GNAQ: variants seen among roughly 807,000 people sequenced by gnomAD.
GNAQ encodes G protein subunit alpha q, also known as guanine nucleotide-binding protein G(q) subunit alpha.
In GNAQ, 8 loss-of-function variants were observed where a neutral mutation model predicts 43.9. The observed-to-expected ratio is 0.18, with a 90% CI of 0.11 to 0.33. The LOEUF (loss-of-function observed/expected upper bound fraction) is 0.33, where lower values mean the gene tolerates loss of function less well. GNAQ is among the 10% of genes least tolerant of loss of function. The probability of loss-of-function intolerance (pLI) is 1.00; values close to 1 mark genes in which losing one functional copy is unlikely to be tolerated. For synonymous variants in GNAQ, 155 were observed against 170.7 expected (o/e 0.91, Z 0.71); for missense variants, 158 against 450.8 (o/e 0.35, Z 5.88).
intron 2 of GNAQ, among the ~76,000 whole-genome samples, chr9:77,829,252 G>A (rs545677432): frequency 2.6e-5 from 4 of 152,090 alleles, no homozygotes; most frequent in Non-Finnish European, 4.4e-5. Context: ...TGAAAGCTAC[G>A]AATGCTTACA....
chr9:77,746,339 T>G (rs1251927522), intron 5 of GNAQ, among the ~76,000 whole-genome samples: 1 of 152,140 alleles, frequency 6.6e-6, no homozygotes, highest in East Asian at 1.9e-4. Context: ...AATGAACTCC[T>G]GGGGCAGCAG....
intron 1 of GNAQ, among the ~76,000 whole-genome samples, chr9:77,923,378 C>T (rs965633623): frequency 6.6e-6 from 1 of 152,072 alleles, no homozygotes; most frequent in African/African-American, 2.4e-5. Flanking sequence ...TCCTTTTTCA[C>T]ATCTTCAATA....
intron 5 of GNAQ, among the ~76,000 whole-genome samples, chr9:77,784,912 G>A (rs896053637): frequency 6.6e-6 from 1 of 152,172 alleles, no homozygotes; most frequent in Admixed American, 6.5e-5. Flanking sequence ...ACACCCACCT[G>A]AATGTCTGAA....
At position 77,863,047 on chromosome 9, in the gene GNAQ, G is replaced by A. The variant is rs539324223; in HGVS notation, c.322-47277C>T. ...AAATTAGCCGGGTGTGGTGGCACAT[G>A]CCTGTAATCCCAGCTACTTGGGAGG... On this transcript the variant is annotated intron_variant, in intron 2 of 6. Transcript: ENST00000286548. Among the ~76,000 whole-genome samples the A allele has an allele frequency of 1.7e-4, 26 of 152,268 alleles. No individual in the cohort carries two copies. The South Asian group carries it at 4.8e-3, about 28-fold the overall frequency.
chr9:77,790,560 T>C (rs1395747621), intron 5 of GNAQ, among the ~76,000 whole-genome samples: 1 of 152,222 alleles, frequency 6.6e-6, no homozygotes, highest in Admixed American at 6.5e-5. Flanking sequence ...GTAAAGGATC[T>C]CTGGCTGGTC....
chr9:77,989,455 C>A (rs1448274301), intron 1 of GNAQ, among the ~76,000 whole-genome samples: 1 of 152,228 alleles, frequency 6.6e-6, no homozygotes, highest in Non-Finnish European at 1.5e-5. Flanking sequence ...CTGTGAGACT[C>A]AGGGAAGAAC....
chr9:77,769,120 G>C (rs1026183867), intron 5 of GNAQ, among the ~76,000 whole-genome samples: 1 of 152,162 alleles, frequency 6.6e-6, no homozygotes, highest in Non-Finnish European at 1.5e-5. Flanking sequence ...AAACAAATCG[G>C]CCTGGTGCGG....
At position 77,760,858 on chromosome 9, in the gene GNAQ, C is replaced by T. The variant is rs1414750865; in HGVS notation, c.736-32191G>A. The stretch of plus-strand genomic sequence containing the variant: ...GATGTGGGGAGTGCCTTTGCGCCAC[C>T]GCCCCGTCTGGGATGTGAGGAGTGC... On this transcript the variant is annotated intron_variant, in intron 5 of 6. Coordinates refer to ENST00000286548, the MANE Select transcript of GNAQ (RefSeq NM_002072.5). 6.7e-5 allele frequency among the ~76,000 whole-genome samples: 10 copies of T among 150,118 alleles called. 1 individual carries two copies. The South Asian group carries it at 1.5e-3, about 23-fold the overall frequency.
At chr9:77,807,124 T>C (rs1417436562) in intron 3 of GNAQ, among the ~76,000 whole-genome samples, 1 of 152,108 alleles carries the variant, frequency 6.6e-6, no homozygotes, top group African/African-American at 2.4e-5. Context: ...AAAATTCAAT[T>C]CATTATTTTC....
intron 3 of GNAQ, among the ~76,000 whole-genome samples, chr9:77,798,429 T>C (rs1333105173): frequency 6.6e-6 from 1 of 152,182 alleles, no homozygotes; most frequent in Non-Finnish European, 1.5e-5. Context: ...TACATAATCA[T>C]AGTACATGAT....
chr9:77,846,310 T>C (rs1407296782), intron 2 of GNAQ, among the ~76,000 whole-genome samples: 1 of 152,294 alleles, frequency 6.6e-6, no homozygotes, highest in East Asian at 1.9e-4. Context: ...TGGCTGCCCC[T>C]TGGGAGGGGC....
intron 2 of GNAQ, among the ~76,000 whole-genome samples, chr9:77,857,826 A>T (rs901169262): frequency 2.0e-4 from 30 of 151,618 alleles, no homozygotes; most frequent in African/African-American, 7.3e-4. Flanking sequence ...GTTTACCTTA[A>T]TGAAAAAACA....
intron 5 of GNAQ, among the ~76,000 whole-genome samples, chr9:77,732,117 A>G (rs925959480): frequency 1.3e-5 from 2 of 152,112 alleles, no homozygotes; most frequent in African/African-American, 4.8e-5. Flanking sequence ...GTAAAAATTG[A>G]AATCTATGAG....
chr9:77,833,606 T>C (rs544957135), intron 2 of GNAQ, among the ~76,000 whole-genome samples: 2 of 152,336 alleles, frequency 1.3e-5, no homozygotes, highest in African/African-American at 4.8e-5. Context: ...TTAGTTTCCA[T>C]TTGTTCAGAT....
intron 6 of GNAQ, among the ~76,000 whole-genome samples, chr9:77,725,428 A>G (rs986591136): frequency 6.6e-6 from 1 of 152,172 alleles, no homozygotes; most frequent in African/African-American, 2.4e-5. Context: ...GTGGGCCTCA[A>G]TTTTTTCAGT....
At chr9:77,906,286 A>T (rs1587400759) in intron 2 of GNAQ, among the ~76,000 whole-genome samples, 2 of 152,200 alleles carry the variant, frequency 1.3e-5, no homozygotes, top group East Asian at 3.9e-4. Context: ...AGTATTCAAA[A>T]ATGTAGATTA....
chr9:77,772,556 T>C (rs953393388), intron 5 of GNAQ, among the ~76,000 whole-genome samples: 2 of 152,188 alleles, frequency 1.3e-5, no homozygotes, highest in African/African-American at 4.8e-5. Context: ...CCCTTTTCTC[T>C]TGGGTTGCAA....
chr9:77,870,349 T>TA (rs1157795742), intron 2 of GNAQ, among the ~76,000 whole-genome samples: 1 of 141,514 alleles, frequency 7.1e-6, no homozygotes, highest in South Asian at 2.2e-4. Context: ...TTTTTTTTTT[T>TA]AGACGGAGTT....
chr9:77,725,658 T>C (rs930171077), intron 6 of GNAQ, among the ~76,000 whole-genome samples: 2 of 150,206 alleles, frequency 1.3e-5, no homozygotes, highest in African/African-American at 4.9e-5. Flanking sequence ...GGAAAATGCT[T>C]GTAGTGGTGG....
Sources: gnomAD v4.1 joint callset for allele counts (sites outside exome capture counted in the v4.1 genomes callset) on GRCh38, gnomAD v4.1.1 for gene constraint, MANE v1.5 for transcripts, NCBI Gene and HGNC (gene_info 2026-07-23, HGNC 2026-07-21) for gene names.